Variants in SYCE3 observed in about 807,000 individuals in gnomAD.
The protein encoded by SYCE3 is synaptonemal complex central element protein 3.
SYCE3 carries 3 observed loss-of-function variants against 8.1 expected under a neutral mutation model. That is an observed-to-expected ratio of 0.37 (90% confidence interval 0.17 to 0.96). The LOEUF (loss-of-function observed/expected upper bound fraction) is 0.96. SYCE3 is among the 40% of genes least tolerant of loss of function. SYCE3 has a pLI of 0.41. For missense variants in SYCE3, 83 were observed against 110.0 expected (o/e 0.75, Z 1.10); for synonymous variants, 36 against 38.7 (o/e 0.93, Z 0.26).
chr22:50,551,225 C>A lies in SYCE3; in HGVS notation c.*20G>T. On this transcript the variant is annotated 3_prime_UTR_variant, in exon 3 of 3. Coordinates refer to ENST00000406915, the MANE Select transcript of SYCE3 (RefSeq NM_001123225.3). Reference sequence around the variant, plus strand: ...ATACGGGCAGAGGGTGGCATGGCAGCTGTGGTGGGCCAGTGGGGCCTACAG... The same window carrying A: ...ATACGGGCAGAGGGTGGCATGGCAGATGTGGTGGGCCAGTGGGGCCTACAG... 1 of 1,549,716 alleles carries A rather than the reference C, an allele frequency of 6.5e-7. No homozygotes were observed. The highest frequency in any genetic ancestry group is 8.7e-7 in the Non-Finnish European group (1 of 1,145,760).
intron 2 of SYCE3, among the ~76,000 whole-genome samples, chr22:50,551,885 C>G (rs2069813269): frequency 6.6e-6 from 1 of 152,190 alleles, no homozygotes; most frequent in East Asian, 1.9e-4. Context: ...CTGGGCACCT[C>G]TATGCTTTCG....
At chr22:50,556,717 C>T (rs1179333653) in intron 1 of SYCE3, among the ~76,000 whole-genome samples, 1 of 152,138 alleles carries the variant, frequency 6.6e-6, no homozygotes, top group Admixed American at 6.5e-5. Context: ...ATAATGGTGA[C>T]ATGGAATTTT....
At position 50,556,334 on chromosome 22, in the gene SYCE3, G is replaced by A; in HGVS notation, c.72C>T (p.Asp24=). ...MLKMLSDLNK[D]LEKLLEEMEK... The stretch of plus-strand genomic sequence containing the variant: ...CCATCTCTTCTAATAGCTTTTCCAA[G>A]TCCTTATTCAGATCTGACAGCATTT... Residue 24 remains aspartate (D), a synonymous_variant, in exon 2 of 3, where the codon GAC becomes GAT. Coordinates refer to ENST00000406915, the MANE Select transcript of SYCE3 (RefSeq NM_001123225.3). 1 of 1,551,986 alleles carries A rather than the reference G, an allele frequency of 6.4e-7. No individual in the cohort carries two copies.
chr22:50,557,982 A>G (rs1449017791), intron 1 of SYCE3, among the ~76,000 whole-genome samples: 2 of 152,150 alleles, frequency 1.3e-5, no homozygotes, highest in African/African-American at 2.4e-5. Flanking sequence ...TACCTCCCCA[A>G]CTAGACTGTG....
At chr22:50,554,069 C>A (rs916308697) in intron 2 of SYCE3, among the ~76,000 whole-genome samples, 2 of 151,894 alleles carry the variant, frequency 1.3e-5, no homozygotes, top group African/African-American at 4.8e-5. Flanking sequence ...GTGGCGGGCA[C>A]CTGTAGTCCC....
intron 1 of SYCE3, among the ~76,000 whole-genome samples, chr22:50,560,615 A>G (rs2069905372): frequency 6.6e-6 from 1 of 152,194 alleles, no homozygotes; most frequent in African/African-American, 2.4e-5. Context: ...ACAGATTTAG[A>G]TGGGAAGGGG....
chr22:50,559,960 A>G (rs2069898392), intron 1 of SYCE3, among the ~76,000 whole-genome samples: 1 of 152,054 alleles, frequency 6.6e-6, no homozygotes, highest in Non-Finnish European at 1.5e-5. Flanking sequence ...ATAAAAAGTA[A>G]CCACTGGATT....
Position 50,551,205 on chromosome 22 carries a change from G to A in SYCE3, c.*40C>T, listed in dbSNP as rs1336655689. Reference sequence around the variant, plus strand: ...CATCCCCCAGTGACCTCTTCATACGGGCAGAGGGTGGCATGGCAGCTGTGG... The same window carrying A: ...CATCCCCCAGTGACCTCTTCATACGAGCAGAGGGTGGCATGGCAGCTGTGG... On this transcript the variant is annotated 3_prime_UTR_variant, in exon 3 of 3. Coordinates refer to ENST00000406915, the MANE Select transcript of SYCE3 (RefSeq NM_001123225.3). 49 of 1,546,546 alleles carry A rather than the reference G, an allele frequency of 3.2e-5. No individual in the cohort carries two copies. The highest frequency in any genetic ancestry group is 1.8e-4 in the Admixed American group (9 of 50,888).
At chr22:50,554,452 A>T (rs2069839162) in intron 2 of SYCE3, among the ~76,000 whole-genome samples, 1 of 150,558 alleles carries the variant, frequency 6.6e-6, no homozygotes, top group Non-Finnish European at 1.5e-5. Flanking sequence ...CCAGCACTTC[A>T]GGAGGCCAAG....
In SYCE3 at chr22:50,555,793, CTTT is replaced by C. The variant is rs35962439; in HGVS notation, c.109+501_109+503del. Among the ~76,000 whole-genome samples, 42 of 124,436 alleles carry C rather than the reference CTTT, an allele frequency of 3.4e-4. No homozygotes were observed. In the South Asian group the frequency reaches 4.4e-3, roughly 13 times the overall value. 81.6% of individuals were successfully genotyped at this position (124,436 alleles called of 152,430 possible). A position where few individuals can be genotyped will look rare whatever the true frequency, so the allele number is the denominator to read the frequency against. ...CTTTCCAGATCGAACCAATGTACAT[CTTT>C]TTTTTTTTTTTTTTTGAGACAGAGT... On this transcript the variant is annotated intron_variant, in intron 2 of 2. Transcript: ENST00000406915.
Position 50,557,653 on chromosome 22 carries a change from A to G in SYCE3, c.1-1248T>C, listed in dbSNP as rs559729295. On this transcript the variant is annotated intron_variant, in intron 1 of 2. Coordinates refer to ENST00000406915, the MANE Select transcript of SYCE3 (RefSeq NM_001123225.3). ...AGATCCTCTCCTCACCTTTATTAAT[A>G]TACATTAATTCATTCTGTTAATATT... 3.9e-5 allele frequency among the ~76,000 whole-genome samples: 6 copies of G among 152,338 alleles called. No individual in the cohort carries two copies. In the South Asian group the frequency reaches 1.0e-3, roughly 26 times the overall value.
intron 2 of SYCE3, among the ~76,000 whole-genome samples, chr22:50,553,940 T>C (rs370129902): frequency 9.1e-4 from 139 of 151,928 alleles, no homozygotes; most frequent in African/African-American, 3.2e-3. Context: ...ATTCCTGTAA[T>C]CCCAGCACTT....
Position 50,551,174 on chromosome 22 carries a change from C to T in SYCE3, c.*71G>A, listed in dbSNP as rs1218667398. The T allele has an allele frequency of 3.9e-6, 6 of 1,522,680 alleles. No homozygotes were observed. Among genetic ancestry groups the T allele is most frequent in the Non-Finnish European group, 5.3e-6 (6 of 1,127,580 alleles). The allele number at this position is 1,522,680 out of a possible 1,614,324, so 94.3% of individuals were successfully genotyped here. A position where few individuals can be genotyped will look rare whatever the true frequency, so the allele number is the denominator to read the frequency against. On this transcript the variant is annotated 3_prime_UTR_variant, in exon 3 of 3. Transcript: ENST00000406915. The stretch of plus-strand genomic sequence containing the variant: ...TGCATACAGCTATTCATGTGGGTGC[C>T]AGCTCCATCCCCCAGTGACCTCTTC...
intron 2 of SYCE3, among the ~76,000 whole-genome samples, chr22:50,554,637 T>A (rs943066532): frequency 7.1e-6 from 1 of 140,066 alleles, no homozygotes; most frequent in Admixed American, 8.0e-5. Context: ...GAGGTTGCAG[T>A]GAGCTGAGAT....
intron 2 of SYCE3, among the ~76,000 whole-genome samples, chr22:50,555,538 TTAAGTTTGA>T: frequency 6.6e-6 from 1 of 152,162 alleles, no homozygotes; most frequent in East Asian, 1.9e-4. Context: ...AACACAGACC[TTAAGTTTGA>T]TAAGAAAGCT....
chr22:50,555,039 A>G (rs1478304334), intron 2 of SYCE3, among the ~76,000 whole-genome samples: 9 of 151,144 alleles, frequency 6.0e-5, no homozygotes, highest in Non-Finnish European at 1.0e-4. Flanking sequence ...GGAGAATGGC[A>G]TGAACCCGGG....
At chr22:50,557,117 C>T (rs1017115006) in intron 1 of SYCE3, among the ~76,000 whole-genome samples, 2 of 151,432 alleles carry the variant, frequency 1.3e-5, no homozygotes, top group African/African-American at 4.9e-5. Flanking sequence ...CTTTTGGCAA[C>T]TTACACATCT....
intron 1 of SYCE3, among the ~76,000 whole-genome samples, chr22:50,557,769 T>C (rs963698467): frequency 6.6e-6 from 1 of 152,130 alleles, no homozygotes; most frequent in African/African-American, 2.4e-5. Flanking sequence ...TGTAACCTCA[T>C]GAAGGTGAAG....
In SYCE3 at chr22:50,551,337, T is replaced by C. The variant is rs748341217; in HGVS notation, c.175A>G (p.Met59Val). ...ACGAAGGCATCCTCCAGCCGACGCA[T>C]GGACTCGGCCAGCGTAGGGTTGGTG... ...MRTNPTLAES[M>V]RRLEDAFVNC... The change falls in exon 3 of 3, where the codon ATG becomes GTG. Residue 59 changes from methionine to valine, a missense_variant. Transcript: ENST00000406915. 4 of 1,551,360 alleles carry C rather than the reference T, an allele frequency of 2.6e-6. No individual in the cohort carries two copies. The highest frequency in any genetic ancestry group is 1.2e-5 in the South Asian group (1 of 84,068).
Sources: allele counts gnomAD v4.1 joint callset (sites outside exome capture counted in the v4.1 genomes callset), GRCh38; gene constraint gnomAD v4.1.1; transcripts MANE v1.5; gene names NCBI Gene and HGNC (gene_info 2026-07-23, HGNC 2026-07-21).